Variants in SLC26A7 observed in about 807,000 individuals in gnomAD.
SLC26A7 encodes solute carrier family 26 member 7, also known as anion exchange transporter.
SLC26A7 carries 59 observed loss-of-function variants against 82.5 expected under a neutral mutation model. That is an observed-to-expected ratio of 0.72 (90% CI 0.58 to 0.89). The LOEUF (loss-of-function observed/expected upper bound fraction) is 0.89. Ranked by LOEUF, SLC26A7 falls within the 40% of genes least tolerant of loss-of-function variation. SLC26A7 has a pLI of 0.00. For synonymous variants in SLC26A7, 271 were observed against 274.3 expected (o/e 0.99, Z 0.12); for missense variants, 820 against 793.0 (o/e 1.03, Z -0.41).
At position 91,389,697 on chromosome 8, in the gene SLC26A7, G is replaced by A. The variant is rs77122619; in HGVS notation, c.1776+259G>A. Among the ~76,000 whole-genome samples the A allele has an allele frequency of 2.2e-3, 336 of 152,258 alleles. 1 individual carries two copies. Among genetic ancestry groups the A allele is most frequent in the African/African-American group, 7.8e-3 (325 of 41,544 alleles). ...GGGTAGTCAGAGAGAACAGTACATA[G>A]ACTTGAGATACAGTGGGCATAGGAG... On this transcript the variant is annotated intron_variant, in intron 16 of 18. Transcript: ENST00000276609.
In SLC26A7 at chr8:91,249,688, T is replaced by C. The variant is rs1810605297; in HGVS notation, c.37T>C (p.Trp13Arg). The C allele has an allele frequency of 6.4e-7, 1 of 1,563,234 alleles. No individual in the cohort carries two copies. Among genetic ancestry groups the C allele is most frequent in the East Asian group, 2.4e-5 (1 of 42,468 alleles). ...GAKRKKKSML[W>R]SKMHTPQCED... ...AAAGAGGAAAAAGAAAAGCATGCTT[T>C]GGAGCAAGATGCATACCCCCCAGTG... Residue 13 changes from tryptophan to arginine, a missense_variant, in exon 2 of 19, where the codon TGG (tryptophan) becomes CGG (arginine). By Grantham distance (101) the Trp-to-Arg change is moderately radical. Coordinates refer to ENST00000276609, the MANE Select transcript of SLC26A7 (RefSeq NM_052832.4).
chr8:91,281,541 C>T (rs1811573436), intron 2 of SLC26A7, among the ~76,000 whole-genome samples: 1 of 152,146 alleles, frequency 6.6e-6, no homozygotes, highest in Admixed American at 6.6e-5. Flanking sequence ...AACCAATTGC[C>T]AGCAAATACA....
intron 2 of SLC26A7, among the ~76,000 whole-genome samples, chr8:91,277,755 T>C (rs892794798): frequency 2.6e-5 from 4 of 152,238 alleles, no homozygotes; most frequent in African/African-American, 9.6e-5. Context: ...AATTTTATAG[T>C]TTAAACTTCA....
intron 15 of SLC26A7, among the ~76,000 whole-genome samples, chr8:91,372,529 T>A (rs780937635): frequency 1.3e-5 from 2 of 151,970 alleles, no homozygotes; most frequent in Non-Finnish European, 2.9e-5. Flanking sequence ...TCATTGAGGA[T>A]CAATTGGTTA....
At chr8:91,299,948 T>A (rs1289638168) in intron 4 of SLC26A7, among the ~76,000 whole-genome samples, 1 of 152,172 alleles carries the variant, frequency 6.6e-6, no homozygotes, top group Non-Finnish European at 1.5e-5. Flanking sequence ...TTAAAAAATA[T>A]AAGTCAAGTA....
chr8:91,299,111 T>G (rs1425466113), intron 4 of SLC26A7, among the ~76,000 whole-genome samples: 1 of 152,168 alleles, frequency 6.6e-6, no homozygotes, highest in East Asian at 1.9e-4. Flanking sequence ...TGTGCTAATT[T>G]TGTGAATTGT....
intron 1 of SLC26A7, among the ~76,000 whole-genome samples, chr8:91,218,250 A>C (rs1586298911): frequency 6.6e-6 from 1 of 152,282 alleles, no homozygotes; most frequent in African/African-American, 2.4e-5. Context: ...ATGATTATAA[A>C]ACATAGAAAT....
intron 2 of SLC26A7, among the ~76,000 whole-genome samples, chr8:91,239,395 A>AATATAT (rs1554600120): frequency 4.2e-5 from 4 of 94,856 alleles, no homozygotes; most frequent in South Asian, 4.2e-4. Flanking sequence ...AAAAAAAAAA[A>AATATAT]ATATATATAT....
intron 2 of SLC26A7, among the ~76,000 whole-genome samples, chr8:91,254,194 A>G (rs1031501184): frequency 2.6e-5 from 4 of 152,046 alleles, no homozygotes; most frequent in Non-Finnish European, 5.9e-5. Flanking sequence ...CCAGATGCCC[A>G]GCTTCTCTTG....
intron 15 of SLC26A7, among the ~76,000 whole-genome samples, chr8:91,387,898 T>C (rs534626380): frequency 2.6e-5 from 4 of 152,318 alleles, no homozygotes; most frequent in African/African-American, 9.6e-5. Flanking sequence ...ATCCACTCCT[T>C]CTTGAACATA....
chr8:91,218,278 A>T lies in SLC26A7; in HGVS notation c.-149-612A>T, dbSNP rs150882923. On this transcript the variant is annotated intron_variant, in intron 1 of 5. Coordinates refer to the SLC26A7 transcript ENST00000522862. Reference sequence around the variant, plus strand: ...ATAGAAATGGTAAGCTTTTGAGGTTACCATTATTTCAAACATAAATGGTCA... The same window carrying T: ...ATAGAAATGGTAAGCTTTTGAGGTTTCCATTATTTCAAACATAAATGGTCA... 4.3e-3 allele frequency among the ~76,000 whole-genome samples: 649 copies of T among 152,290 alleles called. 8 individuals are homozygous for T. The highest frequency in any genetic ancestry group is 0.015 in the African/African-American group (630 of 41,564).
rs138837325 is a variant in SLC26A7 at position 91,366,621 on chromosome 8, G to A, written c.1530G>A (p.Pro510=). 56 of 1,613,452 alleles carry A rather than the reference G, an allele frequency of 3.5e-5. No homozygotes were observed. Among genetic ancestry groups the A allele is most frequent in the African/African-American group, 2.4e-4 (18 of 74,980 alleles). The change falls in exon 14 of 19, where the codon CCG becomes CCA. Residue 510 remains proline (P), a synonymous_variant. Coordinates refer to ENST00000276609, the MANE Select transcript of SLC26A7 (RefSeq NM_052832.4). ...TGAAAATTATCTCAATAAACAACCC[G>A]CTTGTTTTCCTGAATGCAAAAAAAT... The part of the protein sequence containing the change: ...QQVKIISINN[P]LVFLNAKKFY...
chr8:91,274,591 G>A (rs527364518), intron 2 of SLC26A7, among the ~76,000 whole-genome samples: 5 of 152,368 alleles, frequency 3.3e-5, no homozygotes, highest in African/African-American at 1.2e-4. Context: ...CCATTCACAA[G>A]AGTGGAGCCC....
At position 91,306,471 on chromosome 8, in the gene SLC26A7, A is replaced by AAGAT. The variant is rs1812311909; in HGVS notation, c.477+10769_477+10772dup. On this transcript the variant is annotated intron_variant, in intron 4 of 18. Transcript: ENST00000276609. ...TTGGTGAGAAATTTAGACTTACCTG[A>AAGAT]AGATTCTGTGGAACAGGTGGAGAGG... is the stretch of plus-strand genomic sequence containing the variant. Among the ~76,000 whole-genome samples, 2 of 152,100 alleles carry AAGAT rather than the reference A, an allele frequency of 1.3e-5. 1 individual carries two copies. Among genetic ancestry groups the AAGAT allele is most frequent in the South Asian group, 4.2e-4 (2 of 4,816 alleles).
At chr8:91,334,701 AAG>A (rs1302190958) in intron 6 of SLC26A7, among the ~76,000 whole-genome samples, 1 of 152,222 alleles carries the variant, frequency 6.6e-6, no homozygotes, top group African/African-American at 2.4e-5. Context: ...TTATATAAAT[AAG>A]AGAACATATA....
intron 15 of SLC26A7, 21 bp from the exon 16 acceptor site, chr8:91,389,317 A>G (rs1009651407): frequency 6.3e-6 from 10 of 1,586,870 alleles, no homozygotes; most frequent in Non-Finnish European, 7.8e-6. Flanking sequence ...TCCCTAACTC[A>G]AGTCTCTGTT....
chr8:91,376,746 G>A (rs950177720), intron 15 of SLC26A7, among the ~76,000 whole-genome samples: 12 of 152,116 alleles, frequency 7.9e-5, no homozygotes, highest in African/African-American at 2.2e-4. Flanking sequence ...GCTGATGAGT[G>A]GAAGCACTCA....
rs113466894 is a variant in SLC26A7 at position 91,242,688 on chromosome 8, AGAGCTTTCACCAGG to A, written c.-33-6925_-33-6912del. Among the ~76,000 whole-genome samples the A allele has an allele frequency of 4.0e-3, 615 of 152,280 alleles. 1 individual carries two copies. The highest frequency in any genetic ancestry group is 0.014 in the African/African-American group (579 of 41,564). On this transcript the variant is annotated intron_variant, in intron 2 of 5. Coordinates refer to the SLC26A7 transcript ENST00000522862. The stretch of plus-strand genomic sequence containing the variant: ...CAGTGGCCATCTGCAAGCCAGTAAG[AGAGCTTTCACCAGG>A]GAGCTGAATCAGGTGACATTTTGAT...
intron 2 of SLC26A7, among the ~76,000 whole-genome samples, chr8:91,242,872 A>G (rs1230124996): frequency 6.6e-6 from 1 of 152,232 alleles, no homozygotes; most frequent in Non-Finnish European, 1.5e-5. Context: ...TGAAAAGCAT[A>G]ACTATCAGTA....
Sources: gnomAD v4.1 joint callset for allele counts (sites outside exome capture counted in the v4.1 genomes callset) on GRCh38, gnomAD v4.1.1 for gene constraint, MANE v1.5 for transcripts, NCBI Gene and HGNC (gene_info 2026-07-23, HGNC 2026-07-21) for gene names.